Variants in NFATC3 observed in about 807,000 individuals in gnomAD.
NFATC3 encodes nuclear factor of activated T-cells, cytoplasmic 3.
Under a neutral mutation model 98.6 loss-of-function variants are expected in NFATC3, and 46 were observed. The observed-to-expected ratio is 0.47, with a 90% CI of 0.37 to 0.60. The LOEUF (loss-of-function observed/expected upper bound fraction) is 0.60, where lower values mean the gene tolerates loss of function less well. Ranked by LOEUF, NFATC3 falls within the 20% of genes least tolerant of loss-of-function variation. The probability of loss-of-function intolerance (pLI) is 0.00; values close to 1 mark genes in which losing one functional copy is unlikely to be tolerated. For missense variants in NFATC3, 1,256 were observed against 1,295.5 expected, an observed-to-expected ratio of 0.97 and a Z score of 0.47; for synonymous variants, 512 against 472.2, an observed-to-expected ratio of 1.08 and a Z score of -1.09.
chr16:68,129,076 C>T (rs2036988587), intron 3 of NFATC3, among the ~76,000 whole-genome samples: 1 of 152,150 alleles, frequency 6.6e-6, no homozygotes, highest in Non-Finnish European at 1.5e-5. Flanking sequence ...GCCTGGGCAA[C>T]AGAGACCAAC....
At chr16:68,224,567 G>A (rs1001541923) in intron 9 of NFATC3, 9 of 143,682 alleles carry the variant, frequency 6.3e-5, no homozygotes, top group African/African-American at 1.8e-4. Context: ...GAGCCACCGC[G>A]CCTGGCTTTT....
chr16:68,096,517 G>A (rs1475351468), intron 1 of NFATC3, among the ~76,000 whole-genome samples: 1 of 152,144 alleles, frequency 6.6e-6, no homozygotes, highest in African/African-American at 2.4e-5. Context: ...GTATTATTAT[G>A]TGCCAAATAC....
chr16:68,119,610 C>T (rs993774751), intron 1 of NFATC3, among the ~76,000 whole-genome samples: 1 of 152,086 alleles, frequency 6.6e-6, no homozygotes, highest in African/African-American at 2.4e-5. Flanking sequence ...GCATTATGCC[C>T]CTAAATTTCT....
At chr16:68,182,471 C>T (rs1242481536) in intron 7 of NFATC3, among the ~76,000 whole-genome samples, 1 of 151,986 alleles carries the variant, frequency 6.6e-6, no homozygotes, top group African/African-American at 2.4e-5. Context: ...ATAGATAACA[C>T]ATTTTGTTTA....
At chr16:68,209,101 T>G (rs1247241577) in intron 9 of NFATC3, among the ~76,000 whole-genome samples, 1 of 152,228 alleles carries the variant, frequency 6.6e-6, no homozygotes, top group African/African-American at 2.4e-5. Context: ...TGTTCTTTGT[T>G]GATAATGATA....
At chr16:68,171,421 G>A (rs1481028223) in intron 5 of NFATC3, among the ~76,000 whole-genome samples, 1 of 151,770 alleles carries the variant, frequency 6.6e-6, no homozygotes. Context: ...TGAGATCTAG[G>A]TTGGTGCTTG....
At chr16:68,217,186 CT>C (rs1387107848) in intron 9 of NFATC3, among the ~76,000 whole-genome samples, 1 of 152,098 alleles carries the variant, frequency 6.6e-6, no homozygotes, top group African/African-American at 2.4e-5. Flanking sequence ...AATCCCAACA[CT>C]TTGGGAGGCC....
At chr16:68,212,894 A>G (rs2041470463) in intron 9 of NFATC3, among the ~76,000 whole-genome samples, 1 of 138,020 alleles carries the variant, frequency 7.2e-6, no homozygotes, top group Admixed American at 8.1e-5. Flanking sequence ...GGTTCACGCC[A>G]TTCTTCTGCC....
At chr16:68,175,740 G>A (rs1175453966) in intron 6 of NFATC3, among the ~76,000 whole-genome samples, 3 of 151,314 alleles carry the variant, frequency 2.0e-5, no homozygotes, top group Admixed American at 1.3e-4. Context: ...TTGTATTTTT[G>A]GTAGACACGG....
chr16:68,158,260 A>C (rs1475817971), intron 4 of NFATC3, among the ~76,000 whole-genome samples, 192 bp downstream of exon 4: 1 of 152,216 alleles, frequency 6.6e-6, no homozygotes, highest in African/African-American at 2.4e-5. Flanking sequence ...AAGTGTTTTT[A>C]TACTATATAT....
chr16:68,126,323 T>TTTGTAATACAATG, intron 2 of NFATC3, 125 bp from the exon 3 acceptor site: 1 of 798,128 alleles, frequency 1.3e-6, no homozygotes, highest in Non-Finnish European at 1.9e-6. Context: ...AAATGAAGTT[T>TTTGTAATACAATG]TATTTTGTAA....
intron 5 of NFATC3, among the ~76,000 whole-genome samples, chr16:68,169,221 G>C (rs920924128): frequency 1.3e-5 from 2 of 152,188 alleles, no homozygotes; most frequent in Non-Finnish European, 2.9e-5. Context: ...TATCCTGCCA[G>C]AGGGTTCTAT....
chr16:68,215,178 A>G (rs533863413), intron 9 of NFATC3, among the ~76,000 whole-genome samples: 1 of 152,324 alleles, frequency 6.6e-6, no homozygotes, highest in Non-Finnish European at 1.5e-5. Flanking sequence ...CCAAACCTTT[A>G]TATTTAGGTT....
At chr16:68,151,742 C>G (rs949572774) in intron 3 of NFATC3, among the ~76,000 whole-genome samples, 1 of 152,168 alleles carries the variant, frequency 6.6e-6, no homozygotes. Flanking sequence ...CCACCACCCT[C>G]CCCTGCAGAG....
At chr16:68,147,871 A>G (rs2038116572) in intron 3 of NFATC3, among the ~76,000 whole-genome samples, 1 of 151,832 alleles carries the variant, frequency 6.6e-6, no homozygotes, top group Non-Finnish European at 1.5e-5. Context: ...GATGAATCTC[A>G]CGTGGCATTA....
intron 9 of NFATC3, 182 bp from the exon 10 acceptor site, chr16:68,226,168 T>A: frequency 1.7e-6 from 1 of 576,542 alleles, no homozygotes; most frequent in Non-Finnish European, 2.8e-6. Flanking sequence ...AGGTCCAGAG[T>A]AGTTTGTGGA....
chr16:68,178,219 C>G (rs1348134810), intron 6 of NFATC3, among the ~76,000 whole-genome samples: 1 of 152,160 alleles, frequency 6.6e-6, no homozygotes, highest in African/African-American at 2.4e-5. Context: ...ATAAATGTCT[C>G]ACTGATACTT....
intron 6 of NFATC3, among the ~76,000 whole-genome samples, chr16:68,178,487 A>G (rs2039815641): frequency 6.6e-6 from 1 of 152,196 alleles, no homozygotes; most frequent in African/African-American, 2.4e-5. Flanking sequence ...GGCATTGGGG[A>G]CATAATGTTG....
At chr16:68,123,154 T>G in intron 2 of NFATC3, 33 bp downstream of exon 2, 5 of 1,566,830 alleles carry the variant, frequency 3.2e-6, no homozygotes, top group Non-Finnish European at 4.3e-6. Flanking sequence ...TGGTCATTTT[T>G]CATGTTTATG....
Sources: allele counts gnomAD v4.1 joint callset (sites outside exome capture counted in the v4.1 genomes callset), GRCh38; gene constraint gnomAD v4.1.1; transcripts MANE v1.5; gene names NCBI Gene and HGNC (gene_info 2026-07-23, HGNC 2026-07-21).